Variants in VCAN observed in about 807,000 individuals in gnomAD.
VCAN encodes the protein versican.
VCAN carries 44 observed loss-of-function variants against 245.5 expected under a neutral mutation model. The observed-to-expected ratio is 0.18, with a 90% CI of 0.14 to 0.23. VCAN has a LOEUF of 0.23. VCAN is among the 10% of genes least tolerant of loss of function. The pLI is 1.00. For missense variants in VCAN, 3,793 were observed against 4,057.9 expected (o/e 0.93, Z 1.77); for synonymous variants, 1,413 against 1,437.0 (o/e 0.98, Z 0.38).
At chr5:83,535,472 G>C (rs1434791611) in intron 7 of VCAN, 1 of 151,988 alleles carries the variant, frequency 6.6e-6, no homozygotes, top group Non-Finnish European at 1.5e-5. Context: ...CTTATTGTCT[G>C]GGTTTTTTAA....
In VCAN at chr5:83,541,244, T is replaced by C; in HGVS notation, c.8241T>C (p.Thr2747=). ...CAACATTGGGCCAATTTGAAAGGAC[T>C]CAGGAGGAGTATGAAGACAAAAAAC... The part of the protein sequence containing the change: ...IIPTLGQFER[T]QEEYEDKKHA... The change falls in exon 8 of 15, where the codon ACT becomes ACC. Residue 2747 remains threonine (T), a synonymous_variant. Coordinates refer to ENST00000265077, the MANE Select transcript of VCAN (RefSeq NM_004385.5). The C allele has an allele frequency of 6.2e-7, 1 of 1,613,938 alleles. No individual in the cohort carries two copies. The highest frequency in any genetic ancestry group is 8.5e-7 in the Non-Finnish European group (1 of 1,179,984).
chr5:83,505,198 C>A (rs577079822), intron 5 of VCAN, among the ~76,000 whole-genome samples: 2 of 152,188 alleles, frequency 1.3e-5, no homozygotes, highest in Admixed American at 6.5e-5. Flanking sequence ...GCCTTCCCAA[C>A]AGTTCCCCAA....
chr5:83,579,929 T>C, intron 13 of VCAN, 51 bp from the exon 14 acceptor site: 2 of 1,580,414 alleles, frequency 1.3e-6, no homozygotes. Flanking sequence ...AGACTCATAT[T>C]AGTTGAAATA....
chr5:83,517,018 T>C (rs1186973661), intron 6 of VCAN, among the ~76,000 whole-genome samples: 2 of 152,176 alleles, frequency 1.3e-5, no homozygotes, highest in African/African-American at 2.4e-5. Flanking sequence ...TTTTTTAAAA[T>C]AGGGCTCTAA....
At chr5:83,545,489 C>A in intron 8 of VCAN, 48 bp from the exon 9 acceptor site, 2 of 1,507,654 alleles carry the variant, frequency 1.3e-6, no homozygotes, top group Non-Finnish European at 1.8e-6. Context: ...TACACGCAAA[C>A]ATTAGAGACG....
rs746525259 is a variant in VCAN at position 83,519,769 on chromosome 5, C to T, written c.1463C>T (p.Thr488Ile). Reference sequence around the variant, plus strand: ...GATAAACAAACACAAGAATCGGTTACACAGATTGAACAAATAGAAGTGGGT... The same window carrying T: ...GATAAACAAACACAAGAATCGGTTATACAGATTGAACAAATAGAAGTGGGT... Reference protein sequence around the residue: ...VEDKQTQESVTQIEQIEVGPL... With the variant: ...VEDKQTQESVIQIEQIEVGPL... The change falls in exon 7 of 15, where the codon ACA (threonine) becomes ATA (isoleucine). Residue 488 changes from threonine (T) to isoleucine (I), a missense_variant. Thr to Ile is a moderately conservative substitution (Grantham distance 89, BLOSUM62 -1). This residue lies in a region of VCAN where 3,182 missense variants were observed against 3,250.3 expected (regional missense o/e 0.98). Coordinates refer to ENST00000265077, the MANE Select transcript of VCAN (RefSeq NM_004385.5). 3 of 1,614,008 alleles carry T rather than the reference C, an allele frequency of 1.9e-6. No homozygotes were observed. The highest frequency in any genetic ancestry group is 2.5e-6 in the Non-Finnish European group (3 of 1,179,998).
At chr5:83,517,709 G>C (rs1482626032) in intron 6 of VCAN, among the ~76,000 whole-genome samples, 2 of 152,088 alleles carry the variant, frequency 1.3e-5, no homozygotes, top group African/African-American at 4.8e-5. Context: ...GGGAGGAAAA[G>C]GTTATTTAAT....
Position 83,540,536 on chromosome 5 carries a change from A to G in VCAN, c.7533A>G (p.Ser2511=). The change falls in exon 8 of 15, where the codon TCA becomes TCG. Residue 2511 remains serine, a synonymous_variant. Coordinates refer to ENST00000265077, the MANE Select transcript of VCAN (RefSeq NM_004385.5). ...DPTSTLSNTV[S]YERSTDGSFQ... ...CTAGCACACTGTCAAATACAGTGTCATATGAGAGGTCCACAGACGGTAGTT... is the reference window on the plus strand; with the variant it reads ...CTAGCACACTGTCAAATACAGTGTCGTATGAGAGGTCCACAGACGGTAGTT... 1 of 1,614,006 alleles carries G rather than the reference A, an allele frequency of 6.2e-7. No individual in the cohort carries two copies. Among genetic ancestry groups the G allele is most frequent in the Non-Finnish European group, 8.5e-7 (1 of 1,179,952 alleles).
At position 83,482,667 on chromosome 5, in the gene VCAN, C is replaced by T. The variant is rs576883504; in HGVS notation, c.-6-846C>T. Among the ~76,000 whole-genome samples the T allele has an allele frequency of 7.7e-4, 118 of 152,312 alleles. 1 individual carries two copies. Among genetic ancestry groups the T allele is most frequent in the Admixed American group, 2.3e-3 (35 of 15,300 alleles). On this transcript the variant is annotated intron_variant, in intron 1 of 14. Coordinates refer to ENST00000265077, the MANE Select transcript of VCAN (RefSeq NM_004385.5). ...ATGGTTCCCCAACACAGGTTCTTCT[C>T]CTCCTCATCATTATAGCTGCCTTGA... is the stretch of plus-strand genomic sequence containing the variant.
intron 1 of VCAN, among the ~76,000 whole-genome samples, chr5:83,480,213 G>A (rs1268636193): frequency 6.6e-6 from 1 of 152,158 alleles, no homozygotes; most frequent in Non-Finnish European, 1.5e-5. Flanking sequence ...AGTCTTAGGG[G>A]TAATCTTAAG....
chr5:83,562,493 C>T (rs900177341), intron 12 of VCAN, among the ~76,000 whole-genome samples: 2 of 152,044 alleles, frequency 1.3e-5, no homozygotes, highest in Non-Finnish European at 2.9e-5. Flanking sequence ...ACTGGAAAAT[C>T]ATTTTATAAT....
At chr5:83,542,573 A>G (rs1464216238) in intron 8 of VCAN, among the ~76,000 whole-genome samples, 1 of 152,194 alleles carries the variant, frequency 6.6e-6, no homozygotes, top group Non-Finnish European at 1.5e-5. Flanking sequence ...TTTACTCACA[A>G]CTAGAGTATT....
At chr5:83,499,677 TA>T (rs1458591734) in intron 5 of VCAN, among the ~76,000 whole-genome samples, 1 of 152,172 alleles carries the variant, frequency 6.6e-6, no homozygotes, top group East Asian at 1.9e-4. Context: ...CCTCTCATGG[TA>T]AATTATTTTC....
intron 7 of VCAN, 92 bp from the exon 8 acceptor site, chr5:83,536,915 T>C: frequency 1.9e-6 from 2 of 1,027,412 alleles, no homozygotes; most frequent in Non-Finnish European, 2.8e-6. Flanking sequence ...CTTCTTTGTG[T>C]GTGTGGGTGT....
At chr5:83,518,592 G>T (rs1043187458) in intron 6 of VCAN, among the ~76,000 whole-genome samples, 7 of 152,230 alleles carry the variant, frequency 4.6e-5, no homozygotes, top group Admixed American at 3.9e-4. Flanking sequence ...GTAGAACATA[G>T]AACAAAATGT....
At chr5:83,542,436 T>C (rs1350518700) in intron 8 of VCAN, among the ~76,000 whole-genome samples, 168 bp downstream of exon 8, 2 of 152,154 alleles carry the variant, frequency 1.3e-5, no homozygotes, top group African/African-American at 4.8e-5. Flanking sequence ...TGAGATGAAA[T>C]GACAGTAAGT....
chr5:83,512,254 G>T lies in VCAN; in HGVS notation c.900G>T (p.Ser300=), dbSNP rs565921775. The stretch of plus-strand genomic sequence containing the variant: ...ACCAGTGCGATTACGGGTGGCTGTC[G>T]GATGCCAGCGTGCGCCACCCTGTGA... ...GFDQCDYGWL[S]DASVRHPVTV... The change falls in exon 6 of 15, where the codon TCG becomes TCT. Residue 300 remains serine, a synonymous_variant. Coordinates refer to ENST00000265077, the MANE Select transcript of VCAN (RefSeq NM_004385.5). 6.2e-7 allele frequency: 1 copy of T among 1,614,140 alleles called. No homozygotes were observed. The highest frequency in any genetic ancestry group is 1.7e-5 in the Admixed American group (1 of 60,018).
At position 83,521,028 on chromosome 5, in the gene VCAN, C is replaced by T. The variant is rs1215655588; in HGVS notation, c.2722C>T (p.Pro908Ser). 3 of 1,613,630 alleles carry T rather than the reference C, an allele frequency of 1.9e-6. No homozygotes were observed. Among genetic ancestry groups the T allele is most frequent in the African/African-American group, 2.7e-5 (2 of 74,868 alleles). The change falls in exon 7 of 15, where the codon CCT (proline) becomes TCT (serine). Residue 908 changes from proline to serine, a missense_variant. Around this residue, in one of 5 missense-constraint regions of VCAN, gnomAD observed 3,182 missense variants for 3,250.3 expected, o/e 0.98. Coordinates refer to ENST00000265077, the MANE Select transcript of VCAN (RefSeq NM_004385.5). The stretch of plus-strand genomic sequence containing the variant: ...TTCTACAACTGAAGAAAAAGTTCCA[C>T]CTATCACAAGCACTGAAGGCCAAGT... ...RDSTTEEKVP[P>S]ITSTEGQVYA...
In VCAN at chr5:83,490,389, T is replaced by A; in HGVS notation, c.362T>A (p.Leu121Gln). The change falls in exon 3 of 15, where the codon CTG becomes CAG. Residue 121 changes from leucine (L) to glutamine (Q), a missense_variant. By Grantham distance (113) the Leu-to-Gln change is moderately radical. Transcript: ENST00000265077. ...GCCTCCCTCACTGTGGTCAAGCTGCTGGCAAGTGATGCGGGTCTTTACCGC... is the reference window on the plus strand; with the variant it reads ...GCCTCCCTCACTGTGGTCAAGCTGCAGGCAAGTGATGCGGGTCTTTACCGC... ...GDASLTVVKL[L>Q]ASDAGLYRCD... 6.2e-7 allele frequency: 1 copy of A among 1,614,212 alleles called. No homozygotes were observed. Among genetic ancestry groups the A allele is most frequent in the Non-Finnish European group, 8.5e-7 (1 of 1,180,032 alleles).
Sources: gnomAD v4.1 joint callset for allele counts (sites outside exome capture counted in the v4.1 genomes callset) on GRCh38, gnomAD v4.1.1 for gene constraint, gnomAD v4.1.1 regional missense constraint, MANE v1.5 for transcripts, NCBI Gene and HGNC (gene_info 2026-07-23, HGNC 2026-07-21) for gene names.